Variants in STXBP6 observed in about 807,000 individuals in gnomAD.
The protein encoded by STXBP6 is syntaxin binding protein 6, also known as syntaxin-binding protein 6.
A neutral mutation model predicts 26.9 loss-of-function variants in STXBP6; 21 were observed. The ratio of observed to expected loss-of-function variants is 0.78; its 90% CI spans 0.55 to 1.12. STXBP6 has a LOEUF of 1.12. STXBP6 is among the 50% of genes most tolerant of loss of function. The pLI, the probability that STXBP6 is intolerant of heterozygous loss-of-function variation, is 0.00. For synonymous variants in STXBP6, 97 were observed against 92.6 expected (o/e 1.05, Z -0.27); for missense variants, 232 against 257.9 (o/e 0.90, Z 0.69).
chr14:24,960,549 A>G (rs1222003972), intron 2 of STXBP6, among the ~76,000 whole-genome samples: 2 of 152,206 alleles, frequency 1.3e-5, no homozygotes, highest in African/African-American at 4.8e-5. Flanking sequence ...TCCTAACCCA[A>G]TGGATCAGGC....
At chr14:24,973,375 CTTCCTTTT>C (rs1166464395) in intron 2 of STXBP6, among the ~76,000 whole-genome samples, 6,794 of 134,474 alleles carry the variant, frequency 0.051, 242 homozygotes, top group East Asian at 0.15. Flanking sequence ...TAAAAGCTTT[CTTCCTTTT>C]TTTTTTTTTT....
At chr14:25,008,924 T>C (rs930716191) in intron 1 of STXBP6, among the ~76,000 whole-genome samples, 1 of 152,126 alleles carries the variant, frequency 6.6e-6, no homozygotes, top group Non-Finnish European at 1.5e-5. Context: ...TCACAAATAC[T>C]GTGGTCAAAA....
chr14:24,850,665 A>G (rs996665484), intron 4 of STXBP6, among the ~76,000 whole-genome samples: 3 of 152,094 alleles, frequency 2.0e-5, no homozygotes, highest in Non-Finnish European at 2.9e-5. Flanking sequence ...TTTCACGTCT[A>G]TTTACATCTG....
chr14:24,848,726 T>C (rs925548937), intron 4 of STXBP6, among the ~76,000 whole-genome samples: 1 of 152,124 alleles, frequency 6.6e-6, no homozygotes, highest in African/African-American at 2.4e-5. Context: ...TTCCTTAGTT[T>C]CTAGTCATTT....
At chr14:24,942,604 C>T (rs1713001128) in intron 2 of STXBP6, among the ~76,000 whole-genome samples, 1 of 152,210 alleles carries the variant, frequency 6.6e-6, no homozygotes, top group Non-Finnish European at 1.5e-5. Flanking sequence ...ATCTTGTCTC[C>T]ACGCTTTGCC....
intron 4 of STXBP6, among the ~76,000 whole-genome samples, chr14:24,853,393 C>T (rs1381318): frequency 0.13 from 19,845 of 152,142 alleles, 1,433 homozygotes; most frequent in African/African-American, 0.19. Flanking sequence ...GCTGCATTCA[C>T]TAAGGTTATA....
chr14:24,862,397 G>A (rs1195696368), intron 2 of STXBP6, among the ~76,000 whole-genome samples: 4 of 152,146 alleles, frequency 2.6e-5, no homozygotes, highest in South Asian at 2.1e-4. Flanking sequence ...TGTGCACCAA[G>A]CCACTGGGGA....
At chr14:24,978,424 T>A (rs1028165968) in intron 1 of STXBP6, among the ~76,000 whole-genome samples, 1 of 152,298 alleles carries the variant, frequency 6.6e-6, no homozygotes, top group Admixed American at 6.5e-5. Context: ...ATGCACAGGA[T>A]TTTTTTCTCT....
intron 2 of STXBP6, among the ~76,000 whole-genome samples, chr14:24,936,026 C>T (rs2072583975): frequency 6.6e-6 from 1 of 152,208 alleles, no homozygotes; most frequent in Non-Finnish European, 1.5e-5. Context: ...CTTGACTTAA[C>T]AGTATAACTT....
In STXBP6 at chr14:24,889,787, A is replaced by G. The variant is rs183220821; in HGVS notation, c.155-32630T>C. 1.9e-3 allele frequency among the ~76,000 whole-genome samples: 287 copies of G among 152,302 alleles called. 1 individual carries two copies. Among genetic ancestry groups the G allele is most frequent in the African/African-American group, 6.7e-3 (277 of 41,570 alleles). On this transcript the variant is annotated intron_variant, in intron 2 of 5. Transcript: ENST00000323944. ...ATCCAGGAGAGTCATACTAATCAGGATCCTTTGCAGAGAAAATAATTCATG... is the reference window on the plus strand; with the variant it reads ...ATCCAGGAGAGTCATACTAATCAGGGTCCTTTGCAGAGAAAATAATTCATG...
intron 2 of STXBP6, among the ~76,000 whole-genome samples, chr14:24,857,617 T>G (rs1294391893): frequency 6.6e-6 from 1 of 152,058 alleles, no homozygotes; most frequent in East Asian, 1.9e-4. Context: ...TCTAGTTTTA[T>G]AGTCCAGTGT....
intron 2 of STXBP6, among the ~76,000 whole-genome samples, chr14:24,950,494 A>G (rs953556642): frequency 6.6e-6 from 1 of 152,224 alleles, no homozygotes. Context: ...CTATTCAGCA[A>G]TGAGAATGAC....
At chr14:25,007,253 T>C (rs2074924130) in intron 1 of STXBP6, among the ~76,000 whole-genome samples, 1 of 152,248 alleles carries the variant, frequency 6.6e-6, no homozygotes, top group Admixed American at 6.5e-5. Context: ...GTAAGTTATC[T>C]GCATGTGTAC....
intron 5 of STXBP6, chr14:24,817,272 T>C (rs891542004): frequency 6.6e-6 from 1 of 152,206 alleles, no homozygotes; most frequent in Non-Finnish European, 1.5e-5. Context: ...TCCAATCCAG[T>C]GTTTGTACAG....
At chr14:24,867,524 T>C (rs777802325) in intron 2 of STXBP6, among the ~76,000 whole-genome samples, 8 of 152,110 alleles carry the variant, frequency 5.3e-5, no homozygotes, top group Non-Finnish European at 1.0e-4. Context: ...TTGTTTTCAA[T>C]AAAAGTGAAA....
chr14:25,038,762 A>G (rs1282451432), intron 1 of STXBP6, among the ~76,000 whole-genome samples: 1 of 152,088 alleles, frequency 6.6e-6, no homozygotes, highest in Admixed American at 6.5e-5. Flanking sequence ...CAGTCCCATG[A>G]CTTGTGTTTA....
intron 2 of STXBP6, among the ~76,000 whole-genome samples, chr14:24,970,934 T>C (rs1354138996): frequency 1.3e-5 from 2 of 152,224 alleles, no homozygotes; most frequent in African/African-American, 2.4e-5. Flanking sequence ...TTTAAGAATG[T>C]TAATCACAGA....
intron 1 of STXBP6, among the ~76,000 whole-genome samples, chr14:24,984,281 C>T (rs2074277076): frequency 6.6e-6 from 1 of 152,014 alleles, no homozygotes; most frequent in South Asian, 2.1e-4. Flanking sequence ...AAAAAGAAAC[C>T]TTCCTTATTT....
At chr14:25,037,712 A>C (rs1050738485) in intron 1 of STXBP6, among the ~76,000 whole-genome samples, 2 of 152,216 alleles carry the variant, frequency 1.3e-5, no homozygotes, top group African/African-American at 2.4e-5. Flanking sequence ...AGTATTCAAA[A>C]GTATGTATGT....
Sources: gnomAD v4.1 joint callset for allele counts (sites outside exome capture counted in the v4.1 genomes callset) on GRCh38, gnomAD v4.1.1 for gene constraint, MANE v1.5 for transcripts, NCBI Gene and HGNC (gene_info 2026-07-23, HGNC 2026-07-21) for gene names.